Variants in PRDM5 observed in about 807,000 individuals in gnomAD.
PRDM5 encodes the protein PR/SET domain 5, also known as PR domain zinc finger protein 5.
Under a neutral mutation model 81.2 loss-of-function variants are expected in PRDM5, and 56 were observed. The ratio of observed to expected loss-of-function variants is 0.69; its 90% confidence interval spans 0.56 to 0.86. The LOEUF is 0.86. Among genes scored for constraint, PRDM5 ranks in the 40% least tolerant of loss-of-function variants. The pLI is 0.00. For synonymous variants in PRDM5, 267 were observed against 256.4 expected (o/e 1.04, Z -0.39); for missense variants, 697 against 770.1 (o/e 0.91, Z 1.12).
At chr4:120,830,910 A>G (rs980056199) in intron 3 of PRDM5, among the ~76,000 whole-genome samples, 1 of 152,054 alleles carries the variant, frequency 6.6e-6, no homozygotes, top group Non-Finnish European at 1.5e-5. Context: ...ATGTATACAC[A>G]TATCTTTCTC....
In PRDM5 at chr4:120,744,529, G is replaced by A. The variant is rs1014828686; in HGVS notation, c.1623+10024C>T. On this transcript the variant is annotated intron_variant, in intron 14 of 15. Coordinates refer to ENST00000264808, the MANE Select transcript of PRDM5 (RefSeq NM_018699.4). ...AAAGGATCAACAAAATTGATAGACC[G>A]CTAGCAAGACTAATAAAGAAAAAAA... is the stretch of plus-strand genomic sequence containing the variant. 5.7e-4 allele frequency among the ~76,000 whole-genome samples: 87 copies of A among 151,828 alleles called. 1 individual carries two copies. The highest frequency in any genetic ancestry group is 2.0e-3 in the African/African-American group (81 of 41,382).
At chr4:120,894,718 G>T (rs1479923797) in intron 2 of PRDM5, among the ~76,000 whole-genome samples, 1 of 152,144 alleles carries the variant, frequency 6.6e-6, no homozygotes, top group Non-Finnish European at 1.5e-5. Context: ...TAAAAGAAAA[G>T]TAGAATTTAC....
At chr4:120,817,254 T>G (rs1754654308) in intron 5 of PRDM5, among the ~76,000 whole-genome samples, 1 of 152,216 alleles carries the variant, frequency 6.6e-6, no homozygotes, top group South Asian at 2.1e-4. Context: ...AAAGTTTTGA[T>G]ATTCTGAACA....
At chr4:120,880,220 G>A (rs1762715076) in intron 2 of PRDM5, among the ~76,000 whole-genome samples, 2 of 152,008 alleles carry the variant, frequency 1.3e-5, no homozygotes, top group African/African-American at 4.8e-5. Flanking sequence ...TAATTAAACT[G>A]AAGCTAAAAT....
At chr4:120,860,772 A>G (rs963329826) in intron 2 of PRDM5, among the ~76,000 whole-genome samples, 5 of 152,166 alleles carry the variant, frequency 3.3e-5, no homozygotes, top group African/African-American at 1.2e-4. Flanking sequence ...TATTTTGTCA[A>G]TATTGTTAAG....
chr4:120,874,071 C>T (rs1367933199), intron 2 of PRDM5, among the ~76,000 whole-genome samples: 3 of 152,134 alleles, frequency 2.0e-5, no homozygotes, highest in South Asian at 2.1e-4. Context: ...TTAACATATA[C>T]ATCACCTCAA....
At chr4:120,911,935 C>G (rs942429265) in intron 1 of PRDM5, among the ~76,000 whole-genome samples, 5 of 152,120 alleles carry the variant, frequency 3.3e-5, no homozygotes, top group Non-Finnish European at 5.9e-5. Flanking sequence ...AGGAATTAAG[C>G]ATTTTATCCT....
intron 3 of PRDM5, among the ~76,000 whole-genome samples, chr4:120,834,441 G>C (rs1267477685): frequency 6.6e-6 from 1 of 152,082 alleles, no homozygotes; most frequent in African/African-American, 2.4e-5. Flanking sequence ...ACAGGAAGCA[G>C]GCCCTCGTCA....
intron 2 of PRDM5, among the ~76,000 whole-genome samples, chr4:120,894,957 T>C (rs963138620): frequency 1.3e-5 from 2 of 152,214 alleles, no homozygotes; most frequent in Non-Finnish European, 1.5e-5. Flanking sequence ...CTCCTCTCCT[T>C]GTAACACTAA....
chr4:120,877,674 A>G (rs908682501), intron 2 of PRDM5, among the ~76,000 whole-genome samples: 5 of 152,134 alleles, frequency 3.3e-5, no homozygotes, highest in African/African-American at 1.2e-4. Flanking sequence ...GCATGGTGGC[A>G]CAGTCATTTG....
chr4:120,744,504 A>G (rs1363555437), intron 14 of PRDM5, among the ~76,000 whole-genome samples: 1 of 152,054 alleles, frequency 6.6e-6, no homozygotes, highest in African/African-American at 2.4e-5. Context: ...TGGTTTTTTG[A>G]AAGGATCAAC....
At chr4:120,909,748 G>A (rs1157502098) in intron 1 of PRDM5, among the ~76,000 whole-genome samples, 2 of 152,184 alleles carry the variant, frequency 1.3e-5, no homozygotes, top group East Asian at 3.9e-4. Flanking sequence ...TTGGATGCAG[G>A]CCTAGTAAGA....
At chr4:120,887,559 G>A (rs2148610847) in intron 2 of PRDM5, among the ~76,000 whole-genome samples, 1 of 152,172 alleles carries the variant, frequency 6.6e-6, no homozygotes, top group East Asian at 1.9e-4. Context: ...ATCTAATCTA[G>A]AATTGCCTCT....
At chr4:120,850,814 G>A (rs1759176049) in intron 3 of PRDM5, among the ~76,000 whole-genome samples, 1 of 152,090 alleles carries the variant, frequency 6.6e-6, no homozygotes. Flanking sequence ...AAACACAGTT[G>A]ATATAGAGGA....
chr4:120,733,366 C>T (rs1006513654), intron 14 of PRDM5, among the ~76,000 whole-genome samples: 1 of 152,166 alleles, frequency 6.6e-6, no homozygotes, highest in African/African-American at 2.4e-5. Flanking sequence ...ACCTTGGGCT[C>T]TCTCCTACAG....
At chr4:120,714,052 T>C (rs1463213759) in intron 14 of PRDM5, among the ~76,000 whole-genome samples, 1 of 152,208 alleles carries the variant, frequency 6.6e-6, no homozygotes, top group Non-Finnish European at 1.5e-5. Flanking sequence ...ATGGTTAGGA[T>C]TTCACATAAG....
At chr4:120,739,086 G>A (rs902228051) in intron 14 of PRDM5, among the ~76,000 whole-genome samples, 3 of 152,164 alleles carry the variant, frequency 2.0e-5, no homozygotes, top group Admixed American at 2.0e-4. Flanking sequence ...GGCAGTACAC[G>A]TTAGCTATTA....
chr4:120,863,225 C>CACACACAT (rs1553997195), intron 2 of PRDM5, among the ~76,000 whole-genome samples: 3 of 138,650 alleles, frequency 2.2e-5, no homozygotes, highest in Non-Finnish European at 3.1e-5. Context: ...CACACACACA[C>CACACACAT]ATATATATGT....
Position 120,710,380 on chromosome 4 carries a change from C to T in PRDM5, c.1657G>A (p.Ala553Thr). The T allele has an allele frequency of 6.2e-7, 1 of 1,614,044 alleles. No individual in the cohort carries two copies. The change falls in exon 15 of 16, where the codon GCC becomes ACC. Residue 553 changes from alanine to threonine, a missense_variant. Coordinates refer to ENST00000264808, the MANE Select transcript of PRDM5 (RefSeq NM_018699.4). ...KPYKCSECSK[A>T]FSQKRGLDEH... Reference sequence around the variant, plus strand: ...TCCAGGCCTCGCTTCTGGCTGAAGGCCTTGCTGCACTCTGAGCACTTGTAC... The same window carrying T: ...TCCAGGCCTCGCTTCTGGCTGAAGGTCTTGCTGCACTCTGAGCACTTGTAC...
Sources: allele counts gnomAD v4.1 joint callset (sites outside exome capture counted in the v4.1 genomes callset), GRCh38; gene constraint gnomAD v4.1.1; transcripts MANE v1.5; gene names NCBI Gene and HGNC (gene_info 2026-07-23, HGNC 2026-07-21).